ANK1: variants seen among roughly 807,000 people sequenced by gnomAD.
ANK1 encodes the protein ankyrin-1.
ANK1 carries 51 observed loss-of-function variants against 210.4 expected under a neutral mutation model. That is an observed-to-expected ratio of 0.24 (90% CI 0.19 to 0.31). The LOEUF is 0.31. Among genes scored for constraint, ANK1 ranks in the 10% least tolerant of loss-of-function variants. ANK1 has a pLI of 1.00. For synonymous variants in ANK1, 967 were observed against 1,025.9 expected (o/e 0.94, Z 1.10); for missense variants, 2,051 against 2,504.4 (o/e 0.82, Z 3.86).
At chr8:41,861,939 G>T (rs1390279887) in intron 1 of ANK1, among the ~76,000 whole-genome samples, 1 of 152,176 alleles carries the variant, frequency 6.6e-6, no homozygotes, top group Non-Finnish European at 1.5e-5. Flanking sequence ...GCACGCTCCT[G>T]CCTTAAAGCC....
intron 1 of ANK1, among the ~76,000 whole-genome samples, chr8:41,817,006 G>C (rs2150786742): frequency 6.6e-6 from 1 of 152,208 alleles, no homozygotes. Flanking sequence ...AGCTGGATCT[G>C]GCAAATGGGA....
chr8:41,731,346 T>C (rs117514137), intron 3 of ANK1, among the ~76,000 whole-genome samples: 3,268 of 152,268 alleles, frequency 0.021, 50 homozygotes, highest in Non-Finnish European at 0.033. Context: ...GATGGTTGCA[T>C]GGGTGCTGAT....
At chr8:41,864,803 C>A (rs1814035896) in intron 1 of ANK1, among the ~76,000 whole-genome samples, 1 of 152,144 alleles carries the variant, frequency 6.6e-6, no homozygotes, top group South Asian at 2.1e-4. Flanking sequence ...AACTGATCGC[C>A]CCTCCCTCGG....
chr8:41,723,003 A>ATC (rs2150651460), intron 9 of ANK1, 122 bp downstream of exon 9: 1 of 890,660 alleles, frequency 1.1e-6, no homozygotes, highest in African/African-American at 1.6e-5. Flanking sequence ...AATAAATGTC[A>ATC]AAGGTGCTAT....
At chr8:41,708,274 A>G (rs1286842727) in intron 17 of ANK1, among the ~76,000 whole-genome samples, 1 of 152,212 alleles carries the variant, frequency 6.6e-6, no homozygotes, top group Non-Finnish European at 1.5e-5. Flanking sequence ...TGCTTCACCC[A>G]GAAAACTGCT....
At chr8:41,837,869 CAA>C (rs370532327) in intron 1 of ANK1, among the ~76,000 whole-genome samples, 1 of 146,536 alleles carries the variant, frequency 6.8e-6, no homozygotes, top group African/African-American at 2.5e-5. Flanking sequence ...AGACGCATCT[CAA>C]AAAAAAAAAT....
intron 1 of ANK1, among the ~76,000 whole-genome samples, chr8:41,826,370 G>A (rs1805376085): frequency 6.6e-6 from 1 of 152,052 alleles, no homozygotes; most frequent in Non-Finnish European, 1.5e-5. Flanking sequence ...CTCAGAGCTG[G>A]TCCCTTCCTC....
At chr8:41,776,195 T>C (rs1843997290) in intron 1 of ANK1, among the ~76,000 whole-genome samples, 1 of 152,166 alleles carries the variant, frequency 6.6e-6, no homozygotes, top group African/African-American at 2.4e-5. Flanking sequence ...TATTCTCCAG[T>C]AAGAGTTGCT....
At chr8:41,873,512 AG>A (rs1003624677) in intron 1 of ANK1, among the ~76,000 whole-genome samples, 8 of 152,254 alleles carry the variant, frequency 5.3e-5, no homozygotes, top group African/African-American at 1.9e-4. Context: ...GAGACTGAAA[AG>A]GGTTAACCAG....
In ANK1 at chr8:41,732,619, G is replaced by A. The variant is rs1400653223; in HGVS notation, c.228+1352C>T. Among the ~76,000 whole-genome samples, 5 of 152,188 alleles carry A rather than the reference G, an allele frequency of 3.3e-5. No homozygotes were observed. In the South Asian group the frequency reaches 6.2e-4, roughly 19 times the overall value. The stretch of plus-strand genomic sequence containing the variant: ...GTAAAGATGGGGTTTCGCCATGTTG[G>A]CTGGGCTGGTTTCGAACTCCTAACC... On this transcript the variant is annotated intron_variant, in intron 3 of 42. Transcript: ENST00000289734.
intron 1 of ANK1, among the ~76,000 whole-genome samples, chr8:41,816,328 T>C (rs1320878537): frequency 6.6e-6 from 1 of 152,244 alleles, no homozygotes; most frequent in Non-Finnish European, 1.5e-5. Context: ...TGCTCTTAGG[T>C]TGAACCCATA....
intron 1 of ANK1, among the ~76,000 whole-genome samples, chr8:41,835,968 G>A (rs58882531): frequency 0.14 from 22,026 of 152,210 alleles, 2,423 homozygotes; most frequent in African/African-American, 0.31. Context: ...AGGGCAGGGG[G>A]AGAGGCAGGG....
At chr8:41,844,807 A>T (rs561226324) in intron 1 of ANK1, among the ~76,000 whole-genome samples, 1 of 152,236 alleles carries the variant, frequency 6.6e-6, no homozygotes, top group Admixed American at 6.5e-5. Flanking sequence ...ACCCCAGAAG[A>T]TGTGATGTCT....
rs377713899 is a variant in ANK1 at position 41,765,125 on chromosome 8, C to T, written c.28-6988G>A. 4.1e-4 allele frequency among the ~76,000 whole-genome samples: 61 copies of T among 150,350 alleles called. No homozygotes were observed. In the East Asian group the frequency reaches 4.1e-3, roughly 10 times the overall value. On this transcript the variant is annotated intron_variant, in intron 1 of 42. Coordinates refer to ENST00000289734, the MANE Select transcript of ANK1 (RefSeq NM_000037.4). ...TCCCTCCTTCCTTCCTTCTCTTTTT[C>T]TCTCTCTCTCTTTCTCTCTTTCCTT...
At chr8:41,830,194 G>C (rs114621301) in intron 1 of ANK1, among the ~76,000 whole-genome samples, 1,770 of 151,370 alleles carry the variant, frequency 0.012, 45 homozygotes, top group African/African-American at 0.041. Context: ...TCAGCTAGGA[G>C]AGACCAATAG....
Position 41,690,212 on chromosome 8 carries a change from C to T in ANK1, c.4104+15G>A. On this transcript the variant is annotated intron_variant, in intron 33 of 42. Coordinates refer to ENST00000289734, the MANE Select transcript of ANK1 (RefSeq NM_000037.4). Reference sequence around the variant, plus strand: ...GCCGTCTCGGGCCAAGGCTCCTCGGCAGGTGCCAGCTCACCTTGGCGCAGG... The same window carrying T: ...GCCGTCTCGGGCCAAGGCTCCTCGGTAGGTGCCAGCTCACCTTGGCGCAGG... 1.2e-6 allele frequency: 2 copies of T among 1,614,126 alleles called. No homozygotes were observed. The highest frequency in any genetic ancestry group is 1.1e-5 in the South Asian group (1 of 91,084).
Position 41,854,235 on chromosome 8 carries a change from A to G in ANK1, c.126+42120T>C, listed in dbSNP as rs11996343. ...CATATAAAATATTTCAGCTCGTTTCAGCTCCCATGAAACGAGGAAATGGGA... is the reference window on the plus strand; with the variant it reads ...CATATAAAATATTTCAGCTCGTTTCGGCTCCCATGAAACGAGGAAATGGGA... On this transcript the variant is annotated intron_variant, in intron 1 of 42. Coordinates refer to the ANK1 transcript ENST00000265709. Among the ~76,000 whole-genome samples, 861 of 152,310 alleles carry G rather than the reference A, an allele frequency of 5.7e-3. 7 individuals are homozygous for G. Among genetic ancestry groups the G allele is most frequent in the African/African-American group, 0.02 (819 of 41,574 alleles).
In ANK1 at chr8:41,701,561, G is replaced by A; in HGVS notation, c.2450C>T (p.Ser817Leu). Residue 817 changes from serine (S) to leucine (L), a missense_variant, in exon 22 of 43, where the codon TCG becomes TTG. Coordinates refer to ENST00000289734, the MANE Select transcript of ANK1 (RefSeq NM_000037.4). ...TACCCCAACGTTACCTTCATCTTCC[G>A]AGACATCCAGGATCTCATCAACTGT... ...PETVDEILDV[S>L]EDEGEELISF... 6.2e-7 allele frequency: 1 copy of A among 1,614,032 alleles called. No homozygotes were observed.
At chr8:41,849,062 A>G (rs1482132069) in intron 1 of ANK1, among the ~76,000 whole-genome samples, 2 of 152,240 alleles carry the variant, frequency 1.3e-5, no homozygotes, top group Non-Finnish European at 2.9e-5. Context: ...ATCAAACCCA[A>G]AGAGAATTCA....
Sources: allele counts gnomAD v4.1 joint callset (sites outside exome capture counted in the v4.1 genomes callset), GRCh38; gene constraint gnomAD v4.1.1; transcripts MANE v1.5; gene names NCBI Gene and HGNC (gene_info 2026-07-23, HGNC 2026-07-21).